KRTAP2-2: variants seen among roughly 807,000 people sequenced by gnomAD.
KRTAP2-2 encodes keratin associated protein 2-2.
In KRTAP2-2, 3 loss-of-function variants were observed where a neutral mutation model predicts 10.2. The ratio of observed to expected loss-of-function variants is 0.29; its 90% CI spans 0.13 to 0.76. The LOEUF is 0.76. Among genes scored for constraint, KRTAP2-2 ranks in the 30% least tolerant of loss-of-function variants. KRTAP2-2 has a pLI of 0.67. For missense variants in KRTAP2-2, 54 were observed against 163.6 expected (o/e 0.33, Z 3.65); for synonymous variants, 20 against 70.8 (o/e 0.28, Z 3.60).
At chr17:41,055,185 G>A in exon 1 of KRTAP2-2, 2 of 1,418,052 alleles carry the variant, frequency 1.4e-6, no homozygotes, top group Non-Finnish European at 1.8e-6. Flanking sequence ...GGGAGGAGAA[G>A]GTGGAGCCGC....
exon 1 of KRTAP2-2, chr17:41,054,819 A>C (rs529077139): frequency 6.6e-7 from 1 of 1,526,140 alleles, no homozygotes; most frequent in East Asian, 2.5e-5. Flanking sequence ...GCACAGACAC[A>C]GGCTGGCAGC....
exon 1 of KRTAP2-2, chr17:41,054,634 G>C (rs1318233427): frequency 7.1e-7 from 1 of 1,416,106 alleles, no homozygotes; most frequent in African/African-American, 1.4e-5. Flanking sequence ...GAGCTAGTAT[G>C]AAGAGATGAG....
chr17:41,054,550 A>T, exon 1 of KRTAP2-2: 1 of 695,288 alleles, frequency 1.4e-6, no homozygotes, highest in Non-Finnish European at 2.3e-6. Context: ...ATGATATAGG[A>T]GTTAGACTGG....
exon 1 of KRTAP2-2, chr17:41,054,972 G>A (rs1375582289): frequency 1.8e-6 from 2 of 1,132,188 alleles, no homozygotes; most frequent in Non-Finnish European, 1.2e-6. Flanking sequence ...ACGACGAGGG[G>A]CAGCAGGTGA....
In KRTAP2-2 at chr17:41,054,520, T is replaced by C. The variant is rs384845; in HGVS notation, c.*320A>G. On this transcript the variant is annotated 3_prime_UTR_variant, in exon 1 of 1. Transcript: ENST00000398477. ...TGATTTCTATGGTAGGAGTATTGAG[T>C]TTATTAGAAAGCAGACAACATGATA... is the stretch of plus-strand genomic sequence containing the variant. 2.3e-3 allele frequency: 1,415 copies of C among 620,162 alleles called. 31 individuals carry two copies. The African/African-American group carries it at 0.023, about 10-fold the overall frequency. 38.4% of individuals were successfully genotyped at this position (620,162 alleles called of 1,614,324 possible). A position where few individuals can be genotyped will look rare whatever the true frequency, so the allele number is the denominator to read the frequency against.
exon 1 of KRTAP2-2, chr17:41,054,705 T>G: frequency 6.5e-7 from 1 of 1,535,946 alleles, no homozygotes; most frequent in South Asian, 1.2e-5. Flanking sequence ...GGCAGCGGGA[T>G]GGACCTGGCC....
chr17:41,054,590 G>C, exon 1 of KRTAP2-2: 1 of 1,024,818 alleles, frequency 9.8e-7, no homozygotes, highest in Non-Finnish European at 1.4e-6. Context: ...CTCATCTGTG[G>C]TTGGTCTGAA....
At chr17:41,054,593 G>T in exon 1 of KRTAP2-2, 6 of 1,036,380 alleles carry the variant, frequency 5.8e-6, no homozygotes, top group African/African-American at 1.7e-5. Context: ...ATCTGTGGTT[G>T]GTCTGAAAAG....
exon 1 of KRTAP2-2, chr17:41,054,674 C>G: frequency 4.6e-6 from 7 of 1,521,564 alleles, no homozygotes; most frequent in Non-Finnish European, 6.1e-6. Flanking sequence ...ACGTGTATTG[C>G]TCTGCGGTGA....
exon 1 of KRTAP2-2, chr17:41,054,633 T>C: frequency 7.1e-7 from 1 of 1,411,406 alleles, no homozygotes; most frequent in Non-Finnish European, 9.5e-7. Flanking sequence ...TGAGCTAGTA[T>C]GAAGAGATGA....
chr17:41,054,504 T>C (rs965824619), exon 1 of KRTAP2-2: 1 of 587,858 alleles, frequency 1.7e-6, no homozygotes, highest in Non-Finnish European at 2.9e-6. Flanking sequence ...ATGATTTCTA[T>C]GGTAGGAGTA....
Position 41,054,584 on chromosome 17 carries a change from T to C in KRTAP2-2, c.*256A>G, listed in dbSNP as rs1160200181. ...GGAGTCCTAGGAAAAGTATTTCTCA[T>C]CTGTGGTTGGTCTGAAAAGGTGTCT... On this transcript the variant is annotated 3_prime_UTR_variant, in exon 1 of 1. Transcript: ENST00000398477. The C allele has an allele frequency of 8.1e-6, 8 of 981,952 alleles. No individual in the cohort carries two copies. The African/African-American group carries it at 1.2e-4, about 14-fold the overall frequency. 60.8% of individuals were successfully genotyped at this position (981,952 alleles called of 1,614,324 possible).
chr17:41,054,650 G>T, exon 1 of KRTAP2-2: 1 of 1,464,786 alleles, frequency 6.8e-7, no homozygotes, highest in Non-Finnish European at 9.1e-7. Flanking sequence ...ATGAGAAATG[G>T]GCTTCTCAAG....
At chr17:41,054,564 C>A in exon 1 of KRTAP2-2, 1 of 820,632 alleles carries the variant, frequency 1.2e-6, no homozygotes, top group Non-Finnish European at 1.8e-6. Context: ...AGACTGGAGT[C>A]CTAGGAAAAG....
exon 1 of KRTAP2-2, chr17:41,054,567 A>T: frequency 1.2e-6 from 1 of 849,400 alleles, no homozygotes; most frequent in Non-Finnish European, 1.8e-6. Flanking sequence ...CTGGAGTCCT[A>T]GGAAAAGTAT....
At chr17:41,054,798 G>A in exon 1 of KRTAP2-2, 1 of 1,535,666 alleles carries the variant, frequency 6.5e-7, no homozygotes, top group Non-Finnish European at 8.7e-7. Context: ...TCGGCTGGCC[G>A]CAGGGGGACT....
exon 1 of KRTAP2-2, chr17:41,054,976 C>A: frequency 1.8e-6 from 2 of 1,129,080 alleles, no homozygotes; most frequent in Non-Finnish European, 2.4e-6. Flanking sequence ...CGAGGGGCAG[C>A]AGGTGATGGG....
chr17:41,054,714 C>T (rs1438066878), exon 1 of KRTAP2-2: 10 of 1,537,072 alleles, frequency 6.5e-6, no homozygotes, highest in Non-Finnish European at 8.7e-6. Context: ...ATGGACCTGG[C>T]CATCTTCTGA....
At chr17:41,054,505 G>T (rs183092755) in exon 1 of KRTAP2-2, 2 of 593,650 alleles carry the variant, frequency 3.4e-6, no homozygotes, top group African/African-American at 3.7e-5. Context: ...TGATTTCTAT[G>T]GTAGGAGTAT....
Sources: gnomAD v4.1 joint callset for allele counts on GRCh38, gnomAD v4.1.1 for gene constraint, MANE v1.5 for transcripts, NCBI Gene and HGNC (gene_info 2026-07-23, HGNC 2026-07-21) for gene names.